The following ATP8A2 variants were observed in gnomAD, a reference collection of about 807,000 sequenced individuals.
ATP8A2 encodes the protein ATPase phospholipid transporting 8A2, also known as phospholipid-transporting ATPase IB.
ATP8A2 carries 100 observed loss-of-function variants against 165.6 expected under a neutral mutation model. The observed-to-expected ratio is 0.60, with a 90% CI of 0.51 to 0.71. The LOEUF (loss-of-function observed/expected upper bound fraction) is 0.71, where lower values mean the gene tolerates loss of function less well. Ranked by LOEUF, ATP8A2 falls within the 30% of genes least tolerant of loss-of-function variation. The pLI is 0.00. For synonymous variants in ATP8A2, 543 were observed against 548.8 expected, an observed-to-expected ratio of 0.99 and a Z score of 0.15; for missense variants, 1,227 against 1,479.5, an observed-to-expected ratio of 0.83 and a Z score of 2.80.
intron 35 of ATP8A2, among the ~76,000 whole-genome samples, chr13:25,989,820 G>C (rs1206061866): frequency 6.6e-6 from 1 of 152,134 alleles, no homozygotes; most frequent in African/African-American, 2.4e-5. Context: ...ATGCTTCCCG[G>C]AAGGGTGAAC....
intron 24 of ATP8A2, among the ~76,000 whole-genome samples, chr13:25,592,571 T>A (rs1356720813): frequency 1.3e-5 from 2 of 152,206 alleles, no homozygotes; most frequent in African/African-American, 4.8e-5. Context: ...AACCCTTGGA[T>A]GTGTGCACAT....
rs371153631 is a variant in ATP8A2, at chr13:25,443,807, G to C, written c.77-25170G>C. 5.9e-5 allele frequency among the ~76,000 whole-genome samples: 9 copies of C among 152,272 alleles called. No individual in the cohort carries two copies. In the East Asian group the frequency reaches 9.6e-4, roughly 16 times the overall value. The stretch of plus-strand genomic sequence containing the variant: ...TATATCTGTTTTGTTCCTTGTTGTG[G>C]CTCTCATGCCTAGAAGGGTGCCTGG... On this transcript the variant is annotated intron_variant, in intron 1 of 36. Transcript: ENST00000381655.
At chr13:25,702,582 C>G (rs2042974024) in intron 25 of ATP8A2, among the ~76,000 whole-genome samples, 1 of 152,106 alleles carries the variant, frequency 6.6e-6, no homozygotes, top group East Asian at 1.9e-4. Flanking sequence ...ATTGCAAATT[C>G]CTAGTGTCAT....
intron 14 of ATP8A2, among the ~76,000 whole-genome samples, chr13:25,559,359 C>T (rs2039075208): frequency 6.6e-6 from 1 of 152,194 alleles, no homozygotes; most frequent in African/African-American, 2.4e-5. Flanking sequence ...ATGATGAAAC[C>T]TTGTCACTAC....
intron 24 of ATP8A2, among the ~76,000 whole-genome samples, chr13:25,644,280 T>C (rs1389137297): frequency 3.3e-5 from 5 of 152,080 alleles, no homozygotes; most frequent in African/African-American, 1.2e-4. Context: ...AATAGACATG[T>C]TGGATTTTTG....
intron 2 of ATP8A2, among the ~76,000 whole-genome samples, chr13:25,513,765 G>A (rs2037363073): frequency 6.6e-6 from 1 of 152,194 alleles, no homozygotes; most frequent in Non-Finnish European, 1.5e-5. Flanking sequence ...GACCAGCCCG[G>A]GCAACACAGC....
rs535679100 is a variant in ATP8A2 at position 25,909,737 on chromosome 13, C to T, written c.3183+47329C>T. ...TTGCAACCATCACCACCATCCATTT[C>T]CAGAACCTTTTCATCTTCCCAAACA... is the stretch of plus-strand genomic sequence containing the variant. On this transcript the variant is annotated intron_variant, in intron 33 of 36. Coordinates refer to ENST00000381655, the MANE Select transcript of ATP8A2 (RefSeq NM_016529.6). 1.1e-4 allele frequency among the ~76,000 whole-genome samples: 17 copies of T among 152,278 alleles called. 1 individual carries two copies. The South Asian group carries it at 3.1e-3, about 28-fold the overall frequency.
chr13:25,487,422 C>T (rs2036386531), intron 2 of ATP8A2, among the ~76,000 whole-genome samples: 4 of 152,196 alleles, frequency 2.6e-5, no homozygotes, highest in East Asian at 1.9e-4. Context: ...TTGCTGAAGG[C>T]GGTCCTCATT....
At chr13:25,837,482 A>G (rs535527503) in intron 29 of ATP8A2, among the ~76,000 whole-genome samples, 197 bp downstream of exon 29, 2 of 150,944 alleles carry the variant, frequency 1.3e-5, no homozygotes, top group South Asian at 4.2e-4. Flanking sequence ...CCACAAACCC[A>G]GTGAATTCAA....
intron 33 of ATP8A2, among the ~76,000 whole-genome samples, chr13:25,876,593 C>T (rs1952825233): frequency 6.6e-6 from 1 of 152,102 alleles, no homozygotes; most frequent in Non-Finnish European, 1.5e-5. Context: ...CAGAGTAAGA[C>T]TGACCATGAA....
At chr13:25,820,729 C>T (rs1299527382) in intron 27 of ATP8A2, among the ~76,000 whole-genome samples, 1 of 152,122 alleles carries the variant, frequency 6.6e-6, no homozygotes, top group African/African-American at 2.4e-5. Context: ...AGAGAGCCAT[C>T]GTTTACCTGT....
In ATP8A2 at chr13:25,769,339, G is replaced by T. The variant is rs955791679; in HGVS notation, c.2568+110G>T. On this transcript the variant is annotated intron_variant, in intron 26 of 36. Transcript: ENST00000381655. ...TCTCCAAACCTCTGCCACCCCTCTT[G>T]AGGTTGCTGTCTAGATGAAACCCCG... 1.5e-5 allele frequency: 17 copies of T among 1,096,890 alleles called. No homozygotes were observed. In the African/African-American group the frequency reaches 2.1e-4, roughly 13 times the overall value. The allele number at this position is 1,096,890 out of a possible 1,614,324, so 67.9% of individuals were successfully genotyped here. A position where few individuals can be genotyped will look rare whatever the true frequency, so the allele number is the denominator to read the frequency against.
intron 25 of ATP8A2, among the ~76,000 whole-genome samples, chr13:25,765,470 A>G (rs2044471836): frequency 6.6e-6 from 1 of 152,170 alleles, no homozygotes; most frequent in South Asian, 2.1e-4. Context: ...CATATGGCTA[A>G]AGTGGAGTGG....
chr13:26,020,042 T>C lies in ATP8A2; in HGVS notation c.*57T>C. 8.0e-7 allele frequency: 1 copy of C among 1,244,640 alleles called. No individual in the cohort carries two copies. Among genetic ancestry groups the C allele is most frequent in the South Asian group, 1.2e-5 (1 of 81,368 alleles). 77.1% of individuals were successfully genotyped at this position (1,244,640 alleles called of 1,614,324 possible). ...GAGATTCAGTTTGTTGCACCCAGTGTTAACACATCTTTGTCAGAGAAGACT... is the reference window on the plus strand; with the variant it reads ...GAGATTCAGTTTGTTGCACCCAGTGCTAACACATCTTTGTCAGAGAAGACT... On this transcript the variant is annotated 3_prime_UTR_variant, in exon 37 of 37. Transcript: ENST00000381655.
intron 35 of ATP8A2, among the ~76,000 whole-genome samples, chr13:25,972,664 T>C (rs1334138726): frequency 1.3e-5 from 2 of 152,174 alleles, no homozygotes; most frequent in Non-Finnish European, 2.9e-5. Context: ...TGTCGTTATT[T>C]TGAGTGTCTA....
At chr13:25,457,769 A>G (rs555346754) in intron 1 of ATP8A2, among the ~76,000 whole-genome samples, 63 of 152,350 alleles carry the variant, frequency 4.1e-4, no homozygotes, top group African/African-American at 1.5e-3. Context: ...AGATTTTCTC[A>G]TATTTTAAAC....
intron 1 of ATP8A2, among the ~76,000 whole-genome samples, chr13:25,388,329 C>T (rs957778287): frequency 1.3e-5 from 2 of 152,232 alleles, no homozygotes; most frequent in African/African-American, 4.8e-5. Flanking sequence ...TGTAGCAGGA[C>T]AAGCCGCAGA....
chr13:25,927,118 G>A (rs1454276338), intron 33 of ATP8A2: 1 of 456,632 alleles, frequency 2.2e-6, no homozygotes, highest in Non-Finnish European at 4.4e-6. Flanking sequence ...TAGCTCACAT[G>A]CATGGTTTGT....
intron 1 of ATP8A2, among the ~76,000 whole-genome samples, chr13:25,395,867 C>T (rs747815935): frequency 4.0e-5 from 6 of 151,270 alleles, no homozygotes; most frequent in Non-Finnish European, 7.4e-5. Flanking sequence ...TTTTTTTTGA[C>T]GGAGTCTCAC....
Sources: allele counts gnomAD v4.1 joint callset (sites outside exome capture counted in the v4.1 genomes callset), GRCh38; gene constraint gnomAD v4.1.1; transcripts MANE v1.5; gene names NCBI Gene and HGNC (gene_info 2026-07-23, HGNC 2026-07-21).